PRKG1: variants seen among roughly 807,000 people sequenced by gnomAD.
PRKG1 encodes cGMP-dependent protein kinase 1.
In PRKG1, 35 loss-of-function variants were observed where a neutral mutation model predicts 88.1. That is an observed-to-expected ratio of 0.40 (90% CI 0.30 to 0.53). The LOEUF is 0.53. PRKG1 is among the 20% of genes least tolerant of loss of function. The pLI, the probability that PRKG1 is intolerant of heterozygous loss-of-function variation, is 0.59. For missense variants in PRKG1, 540 were observed against 839.8 expected, an observed-to-expected ratio of 0.64 and a Z score of 4.41; for synonymous variants, 303 against 292.5, an observed-to-expected ratio of 1.04 and a Z score of -0.37.
intron 2 of PRKG1, among the ~76,000 whole-genome samples, chr10:51,222,370 C>T (rs116529735): frequency 0.034 from 5,157 of 152,084 alleles, 314 homozygotes; most frequent in African/African-American, 0.12. Flanking sequence ...CCAAGTAGAA[C>T]ATTAATCAAT....
chr10:51,593,368 G>T (rs922191869), intron 3 of PRKG1, among the ~76,000 whole-genome samples: 1 of 152,096 alleles, frequency 6.6e-6, no homozygotes, highest in Non-Finnish European at 1.5e-5. Context: ...CTGATTGTTG[G>T]TTATTAAATA....
chr10:51,381,705 AC>A (rs1837108187), intron 2 of PRKG1, among the ~76,000 whole-genome samples: 1 of 152,244 alleles, frequency 6.6e-6, no homozygotes, highest in African/African-American at 2.4e-5. Context: ...AGAAAACATT[AC>A]ATGTATACCA....
intron 3 of PRKG1, among the ~76,000 whole-genome samples, chr10:51,592,056 G>C (rs894065326): frequency 6.6e-6 from 1 of 152,156 alleles, no homozygotes; most frequent in African/African-American, 2.4e-5. Flanking sequence ...AGTTTTTCCA[G>C]AAGGACACTC....
intron 5 of PRKG1, among the ~76,000 whole-genome samples, chr10:51,944,402 C>T (rs894084772): frequency 2.6e-5 from 4 of 152,004 alleles, no homozygotes; most frequent in Non-Finnish European, 4.4e-5. Context: ...TTTCAAAAAA[C>T]CAGCTCCTGG....
intron 3 of PRKG1, among the ~76,000 whole-genome samples, chr10:51,478,576 A>G (rs764667697): frequency 5.3e-5 from 8 of 152,022 alleles, no homozygotes; most frequent in Non-Finnish European, 1.2e-4. Context: ...AGTTTCCCTA[A>G]AACTGTAGTG....
intron 2 of PRKG1, among the ~76,000 whole-genome samples, chr10:51,184,404 T>A (rs570205599): frequency 6.6e-6 from 1 of 152,354 alleles, no homozygotes; most frequent in South Asian, 2.1e-4. Context: ...TTTTGTTCCA[T>A]TACCAAAGTA....
chr10:51,037,103 A>T (rs1026124998), intron 1 of PRKG1, among the ~76,000 whole-genome samples: 2 of 152,200 alleles, frequency 1.3e-5, no homozygotes, highest in Non-Finnish European at 2.9e-5. Flanking sequence ...CCATTTAAAT[A>T]CTTAGCCTTA....
intron 3 of PRKG1, among the ~76,000 whole-genome samples, chr10:51,664,388 A>T (rs1840372718): frequency 6.6e-6 from 1 of 152,284 alleles, no homozygotes; most frequent in Non-Finnish European, 1.5e-5. Flanking sequence ...AGTAATAAGG[A>T]TCTGTGTTCT....
chr10:51,907,312 T>A (rs896571733), intron 4 of PRKG1, among the ~76,000 whole-genome samples, 195 bp from the exon 5 acceptor site: 6 of 152,134 alleles, frequency 3.9e-5, no homozygotes, highest in Admixed American at 1.3e-4. Context: ...AAACCATGCT[T>A]AAATGATTGC....
At chr10:51,852,250 A>G (rs1840576043) in intron 4 of PRKG1, among the ~76,000 whole-genome samples, 1 of 148,104 alleles carries the variant, frequency 6.8e-6, no homozygotes, top group Non-Finnish European at 1.5e-5. Context: ...CACGTCATAT[A>G]TAAAGTATAT....
intron 7 of PRKG1, among the ~76,000 whole-genome samples, chr10:52,094,290 G>C (rs80247712): frequency 6.6e-6 from 1 of 151,944 alleles, no homozygotes; most frequent in African/African-American, 2.4e-5. Context: ...TAGTTCATAC[G>C]TTTTCATTCT....
intron 7 of PRKG1, among the ~76,000 whole-genome samples, chr10:52,129,825 T>G (rs955688218): frequency 6.6e-6 from 1 of 152,200 alleles, no homozygotes; most frequent in Non-Finnish European, 1.5e-5. Context: ...AATATAATTT[T>G]CATAATGATG....
intron 9 of PRKG1, among the ~76,000 whole-genome samples, chr10:52,225,806 G>A: frequency 6.6e-6 from 1 of 151,944 alleles, no homozygotes; most frequent in East Asian, 1.9e-4. Flanking sequence ...TAAGAATTTG[G>A]GTTTATTTCT....
chr10:51,133,792 TA>T (rs990021215), intron 1 of PRKG1, among the ~76,000 whole-genome samples: 21 of 152,316 alleles, frequency 1.4e-4, no homozygotes, highest in East Asian at 3.9e-4. Context: ...ATTCACAGAC[TA>T]AAAAAATTCT....
At chr10:52,240,774 C>T (rs1197095512) in intron 9 of PRKG1, among the ~76,000 whole-genome samples, 1 of 152,076 alleles carries the variant, frequency 6.6e-6, no homozygotes, top group Non-Finnish European at 1.5e-5. Context: ...CGGGCTTTCT[C>T]CATTTCAAGA....
intron 3 of PRKG1, among the ~76,000 whole-genome samples, chr10:51,694,954 TTG>T (rs1841247955): frequency 6.6e-6 from 1 of 152,204 alleles, no homozygotes; most frequent in African/African-American, 2.4e-5. Context: ...CTGTTTCTAA[TTG>T]TTTTTTGAAA....
chr10:51,192,873 C>T (rs928760095), intron 2 of PRKG1, among the ~76,000 whole-genome samples: 3 of 151,970 alleles, frequency 2.0e-5, no homozygotes, highest in African/African-American at 7.2e-5. Flanking sequence ...TTCATTCACT[C>T]ACTCACCCAT....
At chr10:51,553,898 GTATGTATTAGATA>G (rs1837214875) in intron 3 of PRKG1, among the ~76,000 whole-genome samples, 1 of 126,012 alleles carries the variant, frequency 7.9e-6, no homozygotes, top group African/African-American at 3.1e-5. Flanking sequence ...TATAATATAT[GTATGTATTAGATA>G]CGTGTATATA....
At chr10:51,241,280 T>C (rs1839145520) in intron 2 of PRKG1, among the ~76,000 whole-genome samples, 1 of 151,542 alleles carries the variant, frequency 6.6e-6, no homozygotes, top group Non-Finnish European at 1.5e-5. Context: ...ACAGGCAGCC[T>C]GTGGAGCTAG....
Sources: allele counts gnomAD v4.1 joint callset (sites outside exome capture counted in the v4.1 genomes callset), GRCh38; gene constraint gnomAD v4.1.1; transcripts MANE v1.5; gene names NCBI Gene and HGNC (gene_info 2026-07-23, HGNC 2026-07-21).